MEGF10: variants seen among roughly 807,000 people sequenced by gnomAD.
MEGF10 encodes multiple EGF like domains 10, also known as multiple epidermal growth factor-like domains protein 10.
A neutral mutation model predicts 147.5 loss-of-function variants in MEGF10; 86 were observed. That is an observed-to-expected ratio of 0.58 (90% CI 0.49 to 0.70). The LOEUF is 0.70. Ranked by LOEUF, MEGF10 falls within the 30% of genes least tolerant of loss-of-function variation. MEGF10 has a pLI of 0.00. For missense variants in MEGF10, 1,329 were observed against 1,487.3 expected, an observed-to-expected ratio of 0.89 and a Z score of 1.75; for synonymous variants, 478 against 525.5, an observed-to-expected ratio of 0.91 and a Z score of 1.24.
chr5:127,419,550 G>A (rs1291216205), intron 11 of MEGF10, among the ~76,000 whole-genome samples: 1 of 152,134 alleles, frequency 6.6e-6, no homozygotes, highest in Non-Finnish European at 1.5e-5. Flanking sequence ...GACAAGAAAC[G>A]CAGCCAAGCA....
Position 127,419,169 on chromosome 5 carries a change from G to C in MEGF10, c.1355G>C (p.Cys452Ser). Reference sequence around the variant, plus strand: ...CCTCTGGGAACCTATGGGATAAACTGTTCCTCTCGCTGTGGCTGTAAAAAT... The same window carrying C: ...CCTCTGGGAACCTATGGGATAAACTCTTCCTCTCGCTGTGGCTGTAAAAAT... ...PCPLGTYGIN[C>S]SSRCGCKNDA... is the part of the protein sequence containing the mutation. The change falls in exon 11 of 25, where the codon TGT (cysteine) becomes TCT (serine). Residue 452 changes from cysteine to serine, a missense_variant. Coordinates refer to ENST00000503335, the MANE Select transcript of MEGF10 (RefSeq NM_001256545.2). The C allele has an allele frequency of 1.2e-6, 2 of 1,614,166 alleles. No individual in the cohort carries two copies. The highest frequency in any genetic ancestry group is 1.7e-6 in the Non-Finnish European group (2 of 1,180,020).
At chr5:127,445,339 A>T in intron 19 of MEGF10, 118 bp from the exon 20 acceptor site, 1 of 756,078 alleles carries the variant, frequency 1.3e-6, no homozygotes, top group Non-Finnish European at 2.3e-6. Context: ...TTTCCAAATT[A>T]ATGTTTTATG....
chr5:127,429,873 G>A (rs1175802601), intron 13 of MEGF10, among the ~76,000 whole-genome samples: 1 of 151,980 alleles, frequency 6.6e-6, no homozygotes, highest in African/African-American at 2.4e-5. Flanking sequence ...TCTTAAAATT[G>A]TTCATTTGGT....
chr5:127,428,141 A>ATTTTTTT (rs66935934), intron 13 of MEGF10, among the ~76,000 whole-genome samples: 271 of 103,552 alleles, frequency 2.6e-3, no homozygotes, highest in African/African-American at 4.1e-3. Flanking sequence ...GGTGTCTGGT[A>ATTTTTTT]TTTTTTTTTT....
At chr5:127,242,800 T>C in the MEGF10 span, among the ~76,000 whole-genome samples, 1 of 152,116 alleles carries the variant, frequency 6.6e-6, no homozygotes, top group African/African-American at 2.4e-5. Context: ...TGGTGATGGG[T>C]TTTGATCTCC....
chr5:127,371,289 T>C (rs1040687032), intron 5 of MEGF10, among the ~76,000 whole-genome samples: 1 of 151,508 alleles, frequency 6.6e-6, no homozygotes, highest in African/African-American at 2.4e-5. Context: ...GGGAAAACTG[T>C]CTTGCAGGGT....
intron 18 of MEGF10, among the ~76,000 whole-genome samples, chr5:127,442,230 G>A (rs1467532780): frequency 6.6e-6 from 1 of 152,140 alleles, no homozygotes; most frequent in East Asian, 1.9e-4. Context: ...TTCTCCCAAT[G>A]CTTATTTGTA....
chr5:127,377,495 G>T (rs917054929), intron 5 of MEGF10, among the ~76,000 whole-genome samples: 2 of 152,104 alleles, frequency 1.3e-5, no homozygotes, highest in African/African-American at 4.8e-5. Context: ...ATAGCATTCC[G>T]GTTAAATATA....
chr5:127,258,471 T>C, the MEGF10 span, among the ~76,000 whole-genome samples: 1 of 152,210 alleles, frequency 6.6e-6, no homozygotes, highest in African/African-American at 2.4e-5. Context: ...TTTGATTTTT[T>C]TGCTTCAAAT....
chr5:127,370,059 T>C (rs2126861361), intron 5 of MEGF10, 57 bp downstream of exon 5: 1 of 1,299,012 alleles, frequency 7.7e-7, no homozygotes, highest in South Asian at 1.2e-5. Context: ...AGGCCCTCCT[T>C]GTCTGCAGAT....
chr5:127,341,351 G>A (rs929728546), intron 4 of MEGF10, among the ~76,000 whole-genome samples: 6 of 152,180 alleles, frequency 3.9e-5, no homozygotes, highest in African/African-American at 1.4e-4. Context: ...CAGGTAGAGG[G>A]ACAGCTCTGC....
chr5:127,390,783 A>G (rs1419746357), intron 5 of MEGF10, among the ~76,000 whole-genome samples: 1 of 152,110 alleles, frequency 6.6e-6, no homozygotes, highest in East Asian at 1.9e-4. Context: ...GCTAGGATAA[A>G]TGTCCTTATA....
chr5:127,398,610 A>G, intron 6 of MEGF10, 66 bp from the exon 7 acceptor site: 1 of 1,595,324 alleles, frequency 6.3e-7, no homozygotes, highest in South Asian at 1.1e-5. Flanking sequence ...GACCCTGGGT[A>G]CAGTGAACCC....
intron 11 of MEGF10, among the ~76,000 whole-genome samples, chr5:127,419,572 T>G (rs1295597608): frequency 6.6e-6 from 1 of 152,250 alleles, no homozygotes; most frequent in Non-Finnish European, 1.5e-5. Flanking sequence ...CAATTTTATA[T>G]GAGCACTAGA....
At position 127,457,296 on chromosome 5, in the gene MEGF10, A is replaced by ACAG. The variant is rs748762321; in HGVS notation, c.3414_3416dup (p.Ser1139dup). 15 of 1,571,208 alleles carry ACAG rather than the reference A, an allele frequency of 9.5e-6. No homozygotes were observed. The highest frequency in any genetic ancestry group is 2.7e-5 in the African/African-American group (2 of 74,356). On this transcript the variant is annotated inframe_insertion, in exon 25 of 25. Coordinates refer to ENST00000503335, the MANE Select transcript of MEGF10 (RefSeq NM_001256545.2). ...GAGGACAGTGGTGGTAGCAGCAGCA[A>ACAG]CAGCAGCAGCAGCAGTGAATGACAC... is the stretch of plus-strand genomic sequence containing the variant.
At chr5:127,258,692 G>A in the MEGF10 span, among the ~76,000 whole-genome samples, 4 of 152,068 alleles carry the variant, frequency 2.6e-5, no homozygotes, top group African/African-American at 9.7e-5. Context: ...CCTAATGAAC[G>A]GACTAATGCT....
At chr5:127,443,957 A>T (rs540084657) in intron 19 of MEGF10, among the ~76,000 whole-genome samples, 2 of 152,318 alleles carry the variant, frequency 1.3e-5, no homozygotes, top group Non-Finnish European at 2.9e-5. Flanking sequence ...AATACCTAGG[A>T]GTAGAATAAT....
chr5:127,445,676 C>G lies in MEGF10; in HGVS notation c.2711C>G (p.Ala904Gly). The change falls in exon 20 of 25, where the codon GCA becomes GGA. Residue 904 changes from alanine (A) to glycine (G), a missense_variant. This residue lies in a region of MEGF10 where 343 missense variants were observed against 377.9 expected (regional missense o/e 0.91). Coordinates refer to ENST00000503335, the MANE Select transcript of MEGF10 (RefSeq NM_001256545.2). ...TYTPAMRVVNADYTISGTLPH... is the reference protein window; with the variant it reads ...TYTPAMRVVNGDYTISGTLPH... ...ACCCCTGCTATGAGGGTCGTCAATG[C>G]AGATTATACCATTTCAGGTAAGAGC... 6.2e-7 allele frequency: 1 copy of G among 1,613,384 alleles called. No individual in the cohort carries two copies. The highest frequency in any genetic ancestry group is 8.5e-7 in the Non-Finnish European group (1 of 1,179,334).
At chr5:127,450,672 T>C (rs576697725) in intron 22 of MEGF10, among the ~76,000 whole-genome samples, 1 of 152,322 alleles carries the variant, frequency 6.6e-6, no homozygotes, top group South Asian at 2.1e-4. Flanking sequence ...GGATGTACAC[T>C]AAAGATTATT....
Sources: gnomAD v4.1 joint callset for allele counts (sites outside exome capture counted in the v4.1 genomes callset) on GRCh38, gnomAD v4.1.1 for gene constraint, gnomAD v4.1.1 regional missense constraint, MANE v1.5 for transcripts, NCBI Gene and HGNC (gene_info 2026-07-23, HGNC 2026-07-21) for gene names.